Variants in SLC1A3 observed in about 807,000 individuals in gnomAD.
SLC1A3 encodes the protein solute carrier family 1 member 3, also known as excitatory amino acid transporter 1.
A neutral mutation model predicts 48.1 loss-of-function variants in SLC1A3; 21 were observed. That is an observed-to-expected ratio of 0.44 (90% CI 0.31 to 0.63). SLC1A3 has a LOEUF of 0.63. Among genes scored for constraint, SLC1A3 ranks in the 20% least tolerant of loss-of-function variants. The probability of loss-of-function intolerance (pLI) is 0.08; values close to 1 mark genes in which losing one functional copy is unlikely to be tolerated. For synonymous variants in SLC1A3, 239 were observed against 251.4 expected, an observed-to-expected ratio of 0.95 and a Z score of 0.47; for missense variants, 546 against 689.0, an observed-to-expected ratio of 0.79 and a Z score of 2.32.
intron 3 of SLC1A3, among the ~76,000 whole-genome samples, chr5:36,632,001 C>A (rs1190059038): frequency 6.6e-6 from 1 of 152,212 alleles, no homozygotes; most frequent in Non-Finnish European, 1.5e-5. Context: ...CCTCCAGTGG[C>A]CACGTGGGTG....
At chr5:36,601,866 GA>G (rs1273961635), upstream of SLC1A3, among the ~76,000 whole-genome samples, 1 of 151,920 alleles carries the variant, frequency 6.6e-6, no homozygotes, top group African/African-American at 2.4e-5. Context: ...ATGGACTGAT[GA>G]ACCCTCTTGT....
At chr5:36,651,911 C>T (rs548511899) in intron 3 of SLC1A3, among the ~76,000 whole-genome samples, 1 of 152,160 alleles carries the variant, frequency 6.6e-6, no homozygotes, top group East Asian at 1.9e-4. Flanking sequence ...ATGGAAGGGC[C>T]GAGGGTCAAA....
intron 3 of SLC1A3, chr5:36,649,435 T>A (rs950041338): frequency 6.6e-6 from 1 of 152,148 alleles, no homozygotes; most frequent in African/African-American, 2.4e-5. Flanking sequence ...TAAATTCCTA[T>A]TTTTAGGCTT....
chr5:36,599,508 C>CTTTTTTTTTTTTT (rs1176214248), intron 1 of SLC1A3, among the ~76,000 whole-genome samples: 963 of 78,206 alleles, frequency 0.012, 148 homozygotes, highest in African/African-American at 0.018. Flanking sequence ...TACGGTTGAA[C>CTTTTTTTTTTTTT]TTTTTTTTTT....
chr5:36,622,347 A>G (rs1373066820), intron 2 of SLC1A3, among the ~76,000 whole-genome samples: 1 of 152,216 alleles, frequency 6.6e-6, no homozygotes, highest in Non-Finnish European at 1.5e-5. Context: ...TTGGCGTAGT[A>G]ATAACTCTTA....
At chr5:36,629,647 T>G in intron 3 of SLC1A3, 60 bp downstream of exon 3, 1 of 1,480,592 alleles carries the variant, frequency 6.8e-7, no homozygotes, top group South Asian at 1.1e-5. Flanking sequence ...TGCAAAAGAT[T>G]GCTTAGAAAA....
chr5:36,608,347 A>G lies in SLC1A3; in HGVS notation c.-77A>G, dbSNP rs962000911. 78 of 1,353,766 alleles carry G rather than the reference A, an allele frequency of 5.8e-5. 1 individual carries two copies. The Middle Eastern group carries it at 1.9e-3, about 33-fold the overall frequency. 83.9% of individuals were successfully genotyped at this position (1,353,766 alleles called of 1,614,324 possible). A position where few individuals can be genotyped will look rare whatever the true frequency, so the allele number is the denominator to read the frequency against. ...ATTCTAGTTGTGTTTTCTAATACCA[A>G]AGAGGAGGTTTGGCTTTCTGTGGGT... On this transcript the variant is annotated 5_prime_UTR_variant, in exon 2 of 10. Transcript: ENST00000265113.
At position 36,686,636 on chromosome 5, in the gene SLC1A3, G is replaced by T; in HGVS notation, c.*367G>T. 2 of 252,646 alleles carry T rather than the reference G, an allele frequency of 7.9e-6. No individual in the cohort carries two copies. Among genetic ancestry groups the T allele is most frequent in the Non-Finnish European group, 1.6e-5 (2 of 128,844 alleles). 15.7% of individuals were successfully genotyped at this position (252,646 alleles called of 1,614,324 possible). ...TAAAAACATTTTAAAATCAACTTTTGAAATTTAAAAATCTTTCAGAATACA... is the reference window on the plus strand; with the variant it reads ...TAAAAACATTTTAAAATCAACTTTTTAAATTTAAAAATCTTTCAGAATACA... On this transcript the variant is annotated 3_prime_UTR_variant, in exon 10 of 10. Coordinates refer to ENST00000265113, the MANE Select transcript of SLC1A3 (RefSeq NM_004172.5).
At chr5:36,647,230 A>T (rs1042265291) in intron 3 of SLC1A3, among the ~76,000 whole-genome samples, 1 of 152,196 alleles carries the variant, frequency 6.6e-6, no homozygotes, top group Non-Finnish European at 1.5e-5. Context: ...TGCCTCTTAA[A>T]ATACTCTTCA....
At chr5:36,605,568 G>T (rs1738899825), upstream of SLC1A3, among the ~76,000 whole-genome samples, 1 of 152,134 alleles carries the variant, frequency 6.6e-6, no homozygotes, top group South Asian at 2.1e-4. Flanking sequence ...ACCAAGAATT[G>T]AGCATATTTT....
chr5:36,646,545 G>C (rs977898756), intron 3 of SLC1A3, among the ~76,000 whole-genome samples: 4 of 152,186 alleles, frequency 2.6e-5, no homozygotes, highest in African/African-American at 9.7e-5. Context: ...ATTTGCTTTT[G>C]GTGGCTCAGG....
intron 2 of SLC1A3, among the ~76,000 whole-genome samples, chr5:36,619,647 A>C (rs184491428): frequency 6.6e-5 from 10 of 152,346 alleles, no homozygotes; most frequent in Admixed American, 6.5e-4. Flanking sequence ...ATTTATGTCC[A>C]ACAGCTTCAT....
chr5:36,662,856 G>C (rs1741573169), intron 3 of SLC1A3, among the ~76,000 whole-genome samples: 1 of 152,208 alleles, frequency 6.6e-6, no homozygotes, highest in African/African-American at 2.4e-5. Flanking sequence ...AGCGTAGACA[G>C]AAATAAAGCT....
At chr5:36,601,462 G>A (rs538998366), upstream of SLC1A3, among the ~76,000 whole-genome samples, 5 of 152,300 alleles carry the variant, frequency 3.3e-5, no homozygotes, top group Middle Eastern at 3.4e-3. Context: ...CTAGTTTTAC[G>A]GATGACATTC....
chr5:36,628,762 A>G (rs1740011565), intron 2 of SLC1A3, among the ~76,000 whole-genome samples: 1 of 152,206 alleles, frequency 6.6e-6, no homozygotes, highest in South Asian at 2.1e-4. Flanking sequence ...TAAGGGGAAA[A>G]TTGCGTTCTC....
chr5:36,663,643 G>A (rs543687770), intron 3 of SLC1A3, among the ~76,000 whole-genome samples: 1 of 152,216 alleles, frequency 6.6e-6, no homozygotes, highest in African/African-American at 2.4e-5. Flanking sequence ...TAAAGTATGT[G>A]CCATCACACG....
intron 3 of SLC1A3, among the ~76,000 whole-genome samples, chr5:36,631,388 T>C (rs1307397888): frequency 6.6e-6 from 1 of 152,160 alleles, no homozygotes; most frequent in Non-Finnish European, 1.5e-5. Context: ...AACAACTTTA[T>C]TGAAGAAATA....
intron 8 of SLC1A3, 39 bp downstream of exon 8, chr5:36,680,628 G>C (rs1321196074): frequency 1.3e-6 from 2 of 1,556,760 alleles, no homozygotes; most frequent in South Asian, 2.2e-5. Context: ...TCTTAAGAAT[G>C]CCTTTAAGGC....
At chr5:36,624,734 T>G (rs1009433874) in intron 2 of SLC1A3, among the ~76,000 whole-genome samples, 19 of 152,250 alleles carry the variant, frequency 1.2e-4, no homozygotes, top group African/African-American at 4.3e-4. Flanking sequence ...TGAAAATGTG[T>G]GCAGTGGAGG....
Sources: allele counts gnomAD v4.1 joint callset (sites outside exome capture counted in the v4.1 genomes callset), GRCh38; gene constraint gnomAD v4.1.1; transcripts MANE v1.5; gene names NCBI Gene and HGNC (gene_info 2026-07-23, HGNC 2026-07-21).